The following CABCOCO1 variants were observed in gnomAD, a reference collection of about 807,000 sequenced individuals.
The protein encoded by CABCOCO1 is ciliary associated calcium binding coiled-coil 1.
In CABCOCO1, 28 loss-of-function variants were observed where a neutral mutation model predicts 35.7. That is an observed-to-expected ratio of 0.78 (90% confidence interval 0.58 to 1.07). CABCOCO1 has a LOEUF of 1.07. Among genes scored for constraint, CABCOCO1 ranks in the 50% least tolerant of loss-of-function variants. CABCOCO1 has a pLI of 0.00. For synonymous variants in CABCOCO1, 95 were observed against 100.1 expected (o/e 0.95, Z 0.30); for missense variants, 326 against 309.2 (o/e 1.05, Z -0.41).
In CABCOCO1 at chr10:61,686,165, C is replaced by A. The variant is rs752708378; in HGVS notation, c.459C>A (p.Ile153=). 3.2e-6 allele frequency: 5 copies of A among 1,574,370 alleles called. No individual in the cohort carries two copies. In the African/African-American group the frequency reaches 5.5e-5, roughly 17 times the overall value. The change falls in exon 4 of 8, where the codon ATC becomes ATA. Residue 153 remains isoleucine, a synonymous_variant. Transcript: ENST00000648843. ...NIFDVKQANA[I]IDYLKISLFQ... ...TTGATGTAAAACAAGCCAATGCTAT[C>A]ATTGATTACTTAAAAATCAGGTATG...
At chr10:61,665,866 G>A (rs1376749352) in intron 1 of CABCOCO1, among the ~76,000 whole-genome samples, 52 of 142,276 alleles carry the variant, frequency 3.7e-4, no homozygotes, top group Admixed American at 2.6e-3. Context: ...CAGCCTGGGC[G>A]ACAGAGCGAG....
chr10:61,723,084 A>G (rs767304322), intron 5 of CABCOCO1, among the ~76,000 whole-genome samples: 10 of 152,260 alleles, frequency 6.6e-5, no homozygotes, highest in South Asian at 2.1e-4. Context: ...ATTGGTACAA[A>G]TGACCTAAAT....
intron 5 of CABCOCO1, among the ~76,000 whole-genome samples, chr10:61,715,780 G>A (rs1463893356): frequency 6.6e-6 from 1 of 152,138 alleles, no homozygotes; most frequent in Non-Finnish European, 1.5e-5. Context: ...AGCTTAGTTT[G>A]GCTGGATATG....
intron 5 of CABCOCO1, among the ~76,000 whole-genome samples, chr10:61,752,066 A>G (rs1484624020): frequency 6.6e-6 from 1 of 152,176 alleles, no homozygotes; most frequent in Non-Finnish European, 1.5e-5. Context: ...TTAATTTCTA[A>G]GATTTCAGAT....
chr10:61,747,216 C>T (rs1210983382), intron 5 of CABCOCO1, among the ~76,000 whole-genome samples: 1 of 149,472 alleles, frequency 6.7e-6, no homozygotes, highest in African/African-American at 2.4e-5. Flanking sequence ...ACAAAATACA[C>T]TGCAAGGAAA....
chr10:61,703,398 GAAAAAAA>G (rs1564541251), intron 5 of CABCOCO1, among the ~76,000 whole-genome samples: 7 of 151,830 alleles, frequency 4.6e-5, no homozygotes, highest in Non-Finnish European at 1.5e-5. Flanking sequence ...TTTTAGATGG[GAAAAAAA>G]GACATAATAT....
chr10:61,740,078 T>G (rs1841516181), intron 5 of CABCOCO1, among the ~76,000 whole-genome samples: 2 of 152,238 alleles, frequency 1.3e-5, no homozygotes, highest in Non-Finnish European at 2.9e-5. Flanking sequence ...GCCATTAGTA[T>G]AATTCGAAGC....
At chr10:61,762,122 C>G (rs992328652) in intron 7 of CABCOCO1, among the ~76,000 whole-genome samples, 1 of 152,076 alleles carries the variant, frequency 6.6e-6, no homozygotes, top group Non-Finnish European at 1.5e-5. Context: ...AACATTTCAT[C>G]TAAATATAGT....
chr10:61,733,017 G>T (rs955272690), intron 5 of CABCOCO1, among the ~76,000 whole-genome samples: 3 of 151,944 alleles, frequency 2.0e-5, no homozygotes, highest in Non-Finnish European at 4.4e-5. Flanking sequence ...TTTGGATTCT[G>T]TTTCTACATT....
chr10:61,766,138 T>C lies in CABCOCO1; in HGVS notation c.*125T>C. 1.2e-6 allele frequency: 1 copy of C among 844,566 alleles called. No individual in the cohort carries two copies. The highest frequency in any genetic ancestry group is 1.8e-6 in the Non-Finnish European group (1 of 559,460). The allele number at this position is 844,566 out of a possible 1,614,324, so 52.3% of individuals were successfully genotyped here. ...GTGAAAGGAAAACCAAGCCCCACTTTTTATTTTCCTAAGTAATTAGAAAAG... is the reference window on the plus strand; with the variant it reads ...GTGAAAGGAAAACCAAGCCCCACTTCTTATTTTCCTAAGTAATTAGAAAAG... On this transcript the variant is annotated 3_prime_UTR_variant, in exon 8 of 8. Transcript: ENST00000648843.
chr10:61,741,697 ATGT>A (rs1480206823), intron 5 of CABCOCO1, among the ~76,000 whole-genome samples: 1 of 152,196 alleles, frequency 6.6e-6, no homozygotes, highest in Non-Finnish European at 1.5e-5. Context: ...TAATATTCTA[ATGT>A]TGTTGTACCT....
chr10:61,690,682 A>C (rs1840111222), intron 5 of CABCOCO1, 61 bp downstream of exon 5: 2 of 1,108,220 alleles, frequency 1.8e-6, no homozygotes, highest in African/African-American at 3.1e-5. Flanking sequence ...GCTGATCAGC[A>C]TCTGGATCTT....
chr10:61,755,780 C>G (rs1260248250), intron 5 of CABCOCO1, among the ~76,000 whole-genome samples: 1 of 151,928 alleles, frequency 6.6e-6, no homozygotes, highest in Admixed American at 6.6e-5. Context: ...TAAAACAATA[C>G]ATCAGAGCTC....
intron 2 of CABCOCO1, among the ~76,000 whole-genome samples, chr10:61,673,392 T>A (rs1377983569): frequency 6.6e-6 from 1 of 152,170 alleles, no homozygotes; most frequent in African/African-American, 2.4e-5. Flanking sequence ...TAAAAAATCA[T>A]CCCACTTAGA....
intron 5 of CABCOCO1, among the ~76,000 whole-genome samples, chr10:61,707,924 A>T (rs1225977893): frequency 1.3e-5 from 2 of 152,076 alleles, no homozygotes; most frequent in African/African-American, 4.8e-5. Context: ...GATTACCATT[A>T]ACGATTTTCT....
At chr10:61,702,469 A>G (rs1028334022) in intron 5 of CABCOCO1, among the ~76,000 whole-genome samples, 1 of 152,190 alleles carries the variant, frequency 6.6e-6, no homozygotes, top group Non-Finnish European at 1.5e-5. Flanking sequence ...GAGTGGATAA[A>G]TGCAGTTGTT....
At chr10:61,699,508 G>A (rs1413180310) in intron 5 of CABCOCO1, among the ~76,000 whole-genome samples, 1 of 152,022 alleles carries the variant, frequency 6.6e-6, no homozygotes, top group African/African-American at 2.4e-5. Flanking sequence ...AGCTAGGTTG[G>A]CCTTTTCGTA....
chr10:61,680,504 T>TTATGTTATATATAACATATTA (rs1457131366), intron 2 of CABCOCO1, among the ~76,000 whole-genome samples: 6 of 137,934 alleles, frequency 4.3e-5, no homozygotes, highest in Admixed American at 2.3e-4. Context: ...ATATGTTATA[T>TTATGTTATATATAACATATTA]TATGTTATAT....
intron 5 of CABCOCO1, among the ~76,000 whole-genome samples, chr10:61,729,669 G>A (rs1010222671): frequency 1.3e-5 from 2 of 152,136 alleles, no homozygotes; most frequent in Non-Finnish European, 2.9e-5. Context: ...GCACTCCTGT[G>A]TTCACCACAG....
Sources: allele counts gnomAD v4.1 joint callset (sites outside exome capture counted in the v4.1 genomes callset), GRCh38; gene constraint gnomAD v4.1.1; transcripts MANE v1.5; gene names NCBI Gene and HGNC (gene_info 2026-07-23, HGNC 2026-07-21).